Variants in SLC25A27 observed in about 807,000 individuals in gnomAD.
SLC25A27 encodes mitochondrial uncoupling protein 4.
In SLC25A27, 35 loss-of-function variants were observed where a neutral mutation model predicts 49.1. That is an observed-to-expected ratio of 0.71 (90% confidence interval 0.54 to 0.95). The LOEUF (loss-of-function observed/expected upper bound fraction) is 0.95, where lower values mean the gene tolerates loss of function less well. Among genes scored for constraint, SLC25A27 ranks in the 40% least tolerant of loss-of-function variants. The pLI is 0.00. For missense variants in SLC25A27, 339 were observed against 397.1 expected (o/e 0.85, Z 1.24); for synonymous variants, 144 against 136.9 (o/e 1.05, Z -0.36).
rs746168338 is a variant in SLC25A27, at chr6:46,664,755, T to G, written c.507-19T>G. On this transcript the variant is annotated intron_variant, in intron 4 of 8. Coordinates refer to ENST00000371347, the MANE Select transcript of SLC25A27 (RefSeq NM_004277.5). The stretch of plus-strand genomic sequence containing the variant: ...CAGGAATACATGGAGTTTTCACATT[T>G]AATTATTATTCTCCTTAGATTTCGT... 7.0e-6 allele frequency: 10 copies of G among 1,434,312 alleles called. No homozygotes were observed. Among genetic ancestry groups the G allele is most frequent in the Non-Finnish European group, 7.7e-6 (8 of 1,033,904 alleles). The allele number at this position is 1,434,312 out of a possible 1,614,324, so 88.8% of individuals were successfully genotyped here.
chr6:46,660,230 C>CTGTGTGTTTGTGTGTGTG (rs1763120936), intron 3 of SLC25A27, among the ~76,000 whole-genome samples: 2 of 147,414 alleles, frequency 1.4e-5, no homozygotes, highest in South Asian at 4.4e-4. Flanking sequence ...ACCTCTGTGT[C>CTGTGTGTTTGTGTGTGTG]TGTGTGTGTG....
At chr6:46,655,531 GTTTGTTTTTTTTTTTTTTTT>G (rs1762944304) in intron 1 of SLC25A27, among the ~76,000 whole-genome samples, 6 of 98,548 alleles carry the variant, frequency 6.1e-5, no homozygotes, top group Non-Finnish European at 1.3e-4. Context: ...TATTGTTAAT[GTTTGTTTTTTTTTTTTTTTT>G]TTTTTTTTTT....
At chr6:46,662,832 G>A (rs1454670488) in intron 4 of SLC25A27, among the ~76,000 whole-genome samples, 1 of 152,198 alleles carries the variant, frequency 6.6e-6, no homozygotes, top group Non-Finnish European at 1.5e-5. Context: ...GTGGCTTGGT[G>A]TTGTGGAAGT....
intron 6 of SLC25A27, among the ~76,000 whole-genome samples, chr6:46,669,787 C>T (rs1294228886): frequency 2.0e-5 from 3 of 152,148 alleles, no homozygotes; most frequent in Non-Finnish European, 4.4e-5. Context: ...TGTCACACTT[C>T]CCCATGTTTT....
chr6:46,666,095 T>C (rs931374170), intron 5 of SLC25A27, among the ~76,000 whole-genome samples: 1 of 152,200 alleles, frequency 6.6e-6, no homozygotes, highest in Non-Finnish European at 1.5e-5. Flanking sequence ...GTATTTTCTG[T>C]CCTTTTCCCT....
At chr6:46,666,280 T>C (rs1360379657) in intron 5 of SLC25A27, among the ~76,000 whole-genome samples, 1 of 152,238 alleles carries the variant, frequency 6.6e-6, no homozygotes, top group Non-Finnish European at 1.5e-5. Flanking sequence ...CCTTGCCTGC[T>C]ACTGCATGTC....
At chr6:46,672,458 T>C (rs532267486) in intron 8 of SLC25A27, among the ~76,000 whole-genome samples, 1 of 152,212 alleles carries the variant, frequency 6.6e-6, no homozygotes, top group African/African-American at 2.4e-5. Flanking sequence ...GGAGTAGTGA[T>C]ATATGAGAGA....
At chr6:46,653,389 G>T in intron 1 of SLC25A27, 91 bp downstream of exon 1, 1 of 1,465,400 alleles carries the variant, frequency 6.8e-7, no homozygotes, top group South Asian at 1.4e-5. Flanking sequence ...CCGGCAGTGC[G>T]CATCGGAGAG....
At chr6:46,676,210 T>TA (rs1763780623) in intron 8 of SLC25A27, among the ~76,000 whole-genome samples, 173 bp from the exon 9 acceptor site, 1 of 152,158 alleles carries the variant, frequency 6.6e-6, no homozygotes, top group Non-Finnish European at 1.5e-5. Flanking sequence ...ATATAAGACA[T>TA]AAAAAATGCT....
At chr6:46,670,899 G>A (rs1434653350) in intron 7 of SLC25A27, among the ~76,000 whole-genome samples, 1 of 151,924 alleles carries the variant, frequency 6.6e-6, no homozygotes, top group South Asian at 2.1e-4. Flanking sequence ...CACCATGCCC[G>A]ACTAATTTTT....
intron 1 of SLC25A27, chr6:46,653,583 G>A: frequency 1.0e-6 from 1 of 985,402 alleles, no homozygotes; most frequent in South Asian, 4.7e-5. Flanking sequence ...TTCCTCTGTA[G>A]GAATCATTTT....
At chr6:46,670,088 C>A in intron 6 of SLC25A27, 47 bp from the exon 7 acceptor site, 1 of 1,246,892 alleles carries the variant, frequency 8.0e-7, no homozygotes, top group Non-Finnish European at 1.1e-6. Flanking sequence ...TCCTAAGCTA[C>A]AAACTACTAC....
At chr6:46,659,454 T>C (rs1431276241) in intron 3 of SLC25A27, among the ~76,000 whole-genome samples, 1 of 152,210 alleles carries the variant, frequency 6.6e-6, no homozygotes, top group Non-Finnish European at 1.5e-5. Context: ...AGTGTTTTTA[T>C]AGGACACGGT....
Position 46,653,520 on chromosome 6 carries a change from G to A in SLC25A27, c.106+222G>A, listed in dbSNP as rs1762845803. 4.1e-6 allele frequency: 4 copies of A among 985,318 alleles called. No homozygotes were observed. The South Asian group carries it at 1.4e-4, about 35-fold the overall frequency. 61.0% of individuals were successfully genotyped at this position (985,318 alleles called of 1,614,324 possible). On this transcript the variant is annotated intron_variant, in intron 1 of 8. Coordinates refer to ENST00000371347, the MANE Select transcript of SLC25A27 (RefSeq NM_004277.5). Reference sequence around the variant, plus strand: ...TAATCTCTTCTAATGCTTCCCTTAGGCATGTGCTGTGGTGCTTGAATGTTG... The same window carrying A: ...TAATCTCTTCTAATGCTTCCCTTAGACATGTGCTGTGGTGCTTGAATGTTG...
intron 1 of SLC25A27, chr6:46,653,928 C>A: frequency 1.2e-6 from 1 of 862,626 alleles, no homozygotes; most frequent in African/African-American, 1.8e-5. Context: ...TTGAAAAGAC[C>A]CAGTTCTGAC....
In SLC25A27 at chr6:46,668,197, T is replaced by A. The variant is rs77457002; in HGVS notation, c.620-512T>A. Among the ~76,000 whole-genome samples the A allele has an allele frequency of 2.6e-3, 396 of 152,004 alleles. 1 individual carries two copies. Among genetic ancestry groups the A allele is most frequent in the African/African-American group, 9.1e-3 (379 of 41,470 alleles). On this transcript the variant is annotated intron_variant, in intron 5 of 8. Transcript: ENST00000371347. ...CCATCTCTACAAAAATATTGAAAAATTAGCCAGATGCACACCTGTAATCCT... is the reference window on the plus strand; with the variant it reads ...CCATCTCTACAAAAATATTGAAAAAATAGCCAGATGCACACCTGTAATCCT...
At chr6:46,672,448 G>A (rs1337913530) in intron 8 of SLC25A27, among the ~76,000 whole-genome samples, 1 of 152,128 alleles carries the variant, frequency 6.6e-6, no homozygotes. Flanking sequence ...GAAAAGGCCA[G>A]GAGTAGTGAT....
intron 3 of SLC25A27, among the ~76,000 whole-genome samples, chr6:46,659,875 A>T (rs1440210545): frequency 1.3e-5 from 2 of 149,738 alleles, no homozygotes; most frequent in Non-Finnish European, 3.0e-5. Flanking sequence ...AAATAAAAAT[A>T]AAAAATTGCA....
intron 8 of SLC25A27, among the ~76,000 whole-genome samples, chr6:46,672,236 T>TTGGAG (rs1490760096): frequency 6.6e-6 from 1 of 150,388 alleles, no homozygotes; most frequent in East Asian, 2.0e-4. Flanking sequence ...AGAGGGACAG[T>TTGGAG]TGGAGTGGAC....
Sources: gnomAD v4.1 joint callset for allele counts (sites outside exome capture counted in the v4.1 genomes callset) on GRCh38, gnomAD v4.1.1 for gene constraint, MANE v1.5 for transcripts, NCBI Gene and HGNC (gene_info 2026-07-23, HGNC 2026-07-21) for gene names.